RWDD4: variants seen among roughly 807,000 people sequenced by gnomAD.
The protein encoded by RWDD4 is RWD domain-containing protein 4.
In RWDD4, 16 loss-of-function variants were observed where a neutral mutation model predicts 30.0. That is an observed-to-expected ratio of 0.53 (90% CI 0.36 to 0.81). The LOEUF (loss-of-function observed/expected upper bound fraction) is 0.81. Among genes scored for constraint, RWDD4 ranks in the 30% least tolerant of loss-of-function variants. RWDD4 has a pLI of 0.00. For missense variants in RWDD4, 170 were observed against 223.9 expected (o/e 0.76, Z 1.54); for synonymous variants, 45 against 72.1 (o/e 0.62, Z 1.90).
chr4:183,652,569 T>C (rs1448185472), intron 2 of RWDD4, among the ~76,000 whole-genome samples: 3 of 152,032 alleles, frequency 2.0e-5, no homozygotes, highest in Admixed American at 6.5e-5. Flanking sequence ...CTCAGCACTT[T>C]GGGAGGCCAA....
chr4:183,644,895 G>A (rs998998217), intron 7 of RWDD4, among the ~76,000 whole-genome samples: 3 of 152,072 alleles, frequency 2.0e-5, no homozygotes, highest in Non-Finnish European at 4.4e-5. Context: ...CCAGGAGTTC[G>A]GGACCAGCAG....
At chr4:183,650,635 A>G (rs920643712) in intron 4 of RWDD4, among the ~76,000 whole-genome samples, 1 of 152,184 alleles carries the variant, frequency 6.6e-6, no homozygotes. Context: ...TGCAGAAAGC[A>G]ATTTCATACT....
Position 183,649,569 on chromosome 4 carries a change from CT to C in RWDD4, c.364-2del, listed in dbSNP as rs766087900. ...TTGAGATGATATTGCTTATCGATGT[CT>C]AAAAAAAAAAAGAAATAATTCTCAG... On this transcript the variant is annotated splice_acceptor_variant, in intron 4 of 7. Coordinates refer to ENST00000326397, the MANE Select transcript of RWDD4 (RefSeq NM_152682.4). LOFTEE classifies it high-confidence loss of function. 1 of 1,431,836 alleles carries C rather than the reference CT, an allele frequency of 7.0e-7. No individual in the cohort carries two copies. The highest frequency in any genetic ancestry group is 9.6e-7 in the Non-Finnish European group (1 of 1,040,730). 88.7% of individuals were successfully genotyped at this position (1,431,836 alleles called of 1,614,324 possible).
intron 7 of RWDD4, among the ~76,000 whole-genome samples, chr4:183,644,790 A>G (rs941289574): frequency 2.1e-4 from 29 of 135,882 alleles, no homozygotes; most frequent in African/African-American, 1.0e-3. Flanking sequence ...AAAAAAAAAG[A>G]AAAGAAAAGA....
chr4:183,644,359 A>T (rs926218072), intron 7 of RWDD4, among the ~76,000 whole-genome samples: 25 of 152,262 alleles, frequency 1.6e-4, no homozygotes, highest in African/African-American at 5.5e-4. Flanking sequence ...TTCCAATTGT[A>T]AGTTAGGGCC....
At chr4:183,650,327 C>A (rs1251342864) in intron 4 of RWDD4, among the ~76,000 whole-genome samples, 1 of 152,160 alleles carries the variant, frequency 6.6e-6, no homozygotes, top group Non-Finnish European at 1.5e-5. Context: ...GGTTCTGTGT[C>A]CTGTTGGGAA....
chr4:183,649,652 A>G (rs1234913875), intron 4 of RWDD4, 84 bp from the exon 5 acceptor site: 4 of 670,144 alleles, frequency 6.0e-6, no homozygotes, highest in South Asian at 2.0e-5. Flanking sequence ...AAGTGGGTTG[A>G]TAATTTTTAC....
intron 7 of RWDD4, among the ~76,000 whole-genome samples, chr4:183,644,326 G>C (rs1354412179): frequency 6.6e-6 from 1 of 152,232 alleles, no homozygotes; most frequent in East Asian, 1.9e-4. Flanking sequence ...TCTTACACAG[G>C]GGAGGAAGAA....
chr4:183,648,047 A>C (rs1393931275), intron 5 of RWDD4, among the ~76,000 whole-genome samples: 2 of 152,188 alleles, frequency 1.3e-5, no homozygotes, highest in Non-Finnish European at 2.9e-5. Flanking sequence ...GATCGAGACC[A>C]GCCTGCCCAA....
At chr4:183,655,443 G>T (rs533975636) in intron 2 of RWDD4, among the ~76,000 whole-genome samples, 1 of 151,544 alleles carries the variant, frequency 6.6e-6, no homozygotes, top group African/African-American at 2.4e-5. Flanking sequence ...CACCATGCCC[G>T]GCTAATTTTT....
intron 2 of RWDD4, among the ~76,000 whole-genome samples, chr4:183,652,683 G>C (rs796274535): frequency 6.6e-6 from 1 of 151,670 alleles, no homozygotes; most frequent in Non-Finnish European, 1.5e-5. Context: ...GGTGGCATGC[G>C]CCTGTAGTCC....
Position 183,641,185 on chromosome 4 carries a change from A to T in RWDD4, c.*251T>A. The T allele has an allele frequency of 9.9e-6, 5 of 504,540 alleles. No homozygotes were observed. Among genetic ancestry groups the T allele is most frequent in the Non-Finnish European group, 1.8e-5 (5 of 282,910 alleles). 31.3% of individuals were successfully genotyped at this position (504,540 alleles called of 1,614,324 possible). A position where few individuals can be genotyped will look rare whatever the true frequency, so the allele number is the denominator to read the frequency against. ...ATTCCCCATGCCTGTCCATTTATAA[A>T]GCTCAAGGGGCTTCATAAAGTATAC... On this transcript the variant is annotated 3_prime_UTR_variant, in exon 8 of 8. Coordinates refer to ENST00000326397, the MANE Select transcript of RWDD4 (RefSeq NM_152682.4).
At chr4:183,641,649 T>C (rs1733858029) in intron 7 of RWDD4, among the ~76,000 whole-genome samples, 181 bp from the exon 8 acceptor site, 1 of 152,302 alleles carries the variant, frequency 6.6e-6, no homozygotes, top group Middle Eastern at 3.4e-3. Context: ...TTTCAAAATG[T>C]AACCTTGACA....
At chr4:183,650,932 A>G in intron 4 of RWDD4, 52 bp downstream of exon 4, 1 of 1,579,050 alleles carries the variant, frequency 6.3e-7, no homozygotes, top group Non-Finnish European at 8.6e-7. Flanking sequence ...TATTGCTAAC[A>G]GCAAAACCAA....
chr4:183,659,104 C>T lies in RWDD4; in HGVS notation c.-152G>A. On this transcript the variant is annotated 5_prime_UTR_variant, in exon 1 of 8. Coordinates refer to ENST00000326397, the MANE Select transcript of RWDD4 (RefSeq NM_152682.4). ...CACTGGCAGACGCCAACTGCGCGCG[C>T]CCCGAGCCTCGGCAGCGCCCAGCCG... 3.7e-6 allele frequency: 2 copies of T among 544,142 alleles called. No homozygotes were observed. The highest frequency in any genetic ancestry group is 5.5e-6 in the Non-Finnish European group (2 of 360,856). 33.7% of individuals were successfully genotyped at this position (544,142 alleles called of 1,614,324 possible).
intron 2 of RWDD4, 141 bp downstream of exon 2, chr4:183,655,740 G>GTCATTTTTA: frequency 3.5e-6 from 2 of 574,008 alleles, no homozygotes; most frequent in Non-Finnish European, 6.3e-6. Context: ...ACTGATGTTA[G>GTCATTTTTA]GGTGATGTTT....
chr4:183,651,996 T>A (rs1561012649), intron 2 of RWDD4, among the ~76,000 whole-genome samples: 1 of 152,172 alleles, frequency 6.6e-6, no homozygotes, highest in African/African-American at 2.4e-5. Context: ...ACTTTATCTT[T>A]CCCCCTCTCC....
intron 2 of RWDD4, among the ~76,000 whole-genome samples, chr4:183,655,190 C>A (rs948941981): frequency 9.2e-5 from 14 of 152,202 alleles, no homozygotes; most frequent in African/African-American, 3.4e-4. Context: ...ATCCGCCTGC[C>A]TCGGCCTCTC....
At chr4:183,652,892 T>A (rs1413392338) in intron 2 of RWDD4, among the ~76,000 whole-genome samples, 1 of 149,198 alleles carries the variant, frequency 6.7e-6, no homozygotes, top group Non-Finnish European at 1.5e-5. Context: ...TGCCAGACTT[T>A]AAAAAACTTT....
Sources: gnomAD v4.1 joint callset for allele counts (sites outside exome capture counted in the v4.1 genomes callset) on GRCh38, gnomAD v4.1.1 for gene constraint, MANE v1.5 for transcripts, NCBI Gene and HGNC (gene_info 2026-07-23, HGNC 2026-07-21) for gene names.